GPI: variants seen among roughly 807,000 people sequenced by gnomAD.
GPI encodes the protein glucose-6-phosphate isomerase, also known as D-hexose-6-phosphate anomerase.
GPI carries 56 observed loss-of-function variants against 75.8 expected under a neutral mutation model. The ratio of observed to expected loss-of-function variants is 0.74; its 90% CI spans 0.60 to 0.92. The LOEUF (loss-of-function observed/expected upper bound fraction) is 0.92, where lower values mean the gene tolerates loss of function less well. Among genes scored for constraint, GPI ranks in the 40% least tolerant of loss-of-function variants. The pLI, the probability that GPI is intolerant of heterozygous loss-of-function variation, is 0.00. For missense variants in GPI, 638 were observed against 741.0 expected (o/e 0.86, Z 1.61); for synonymous variants, 288 against 285.4 (o/e 1.01, Z -0.09).
At chr19:34,360,879 G>A (rs995996954), upstream of GPI, among the ~76,000 whole-genome samples, 2 of 152,006 alleles carry the variant, frequency 1.3e-5, no homozygotes, top group African/African-American at 2.4e-5. Flanking sequence ...CCGGGTTCAA[G>A]TGATTCTCCT....
At chr19:34,392,962 T>A in intron 9 of GPI, 1 of 479,278 alleles carries the variant, frequency 2.1e-6, no homozygotes, top group African/African-American at 2.0e-5. Flanking sequence ...GGCACAGGTA[T>A]GAGGTCCTGG....
At position 34,393,354 on chromosome 19, in the gene GPI, GCA is replaced by G; in HGVS notation, c.865+47_865+48del. On this transcript the variant is annotated intron_variant, in intron 10 of 17. Coordinates refer to ENST00000356487, the MANE Select transcript of GPI (RefSeq NM_000175.5). The surrounding 1 kb of genome is among the most constrained non-coding windows in gnomAD (Gnocchi z 4.4). ...TGCAGCCCCTGTGGGAGACAGTGTT[GCA>G]GTCTAAGGTCGGGGTAGGGGGCTTG... is the stretch of plus-strand genomic sequence containing the variant. The G allele has an allele frequency of 6.8e-7, 1 of 1,463,760 alleles. No homozygotes were observed. Among genetic ancestry groups the G allele is most frequent in the South Asian group, 1.1e-5 (1 of 88,174 alleles). The allele number at this position is 1,463,760 out of a possible 1,614,324, so 90.7% of individuals were successfully genotyped here.
intron 4 of GPI, among the ~76,000 whole-genome samples, chr19:34,373,472 G>A (rs1322203878): frequency 2.0e-5 from 3 of 147,824 alleles, no homozygotes; most frequent in Admixed American, 1.4e-4. Flanking sequence ...CAGGAGAATC[G>A]CTTGAACCCG....
chr19:34,361,409 A>C (rs2074300799), upstream of GPI, among the ~76,000 whole-genome samples: 2 of 151,884 alleles, frequency 1.3e-5, no homozygotes, highest in South Asian at 4.2e-4. Flanking sequence ...ACATTTCTTA[A>C]CCTCTCTGTT....
chr19:34,391,673 G>A lies in GPI; in HGVS notation c.805-1575G>A, dbSNP rs377527808. The stretch of plus-strand genomic sequence containing the variant: ...GAATTTGGTACATGTATGAGGATCT[G>A]GGTCTGTCAGTATCTGAGGAGGTAG... On this transcript the variant is annotated intron_variant, in intron 9 of 17. Transcript: ENST00000356487. Among the ~76,000 whole-genome samples the A allele has an allele frequency of 9.9e-4, 134 of 136,022 alleles. No homozygotes were observed. The East Asian group carries it at 0.025, about 26-fold the overall frequency. The allele number at this position is 136,022 out of a possible 152,430, so 89.2% of individuals were successfully genotyped here. A position where few individuals can be genotyped will look rare whatever the true frequency, so the allele number is the denominator to read the frequency against.
In GPI at chr19:34,394,053, C is replaced by A; in HGVS notation, c.1049C>A (p.Ala350Glu). 2 of 1,611,016 alleles carry A rather than the reference C, an allele frequency of 1.2e-6. No homozygotes were observed. Among genetic ancestry groups the A allele is most frequent in the Non-Finnish European group, 1.7e-6 (2 of 1,178,940 alleles). ...PYDQYLHRFA[A>E]YFQQGDMESN... The stretch of plus-strand genomic sequence containing the variant: ...GACCAGTACCTGCACCGCTTTGCTG[C>A]GTACTTCCAGCAGGTACCAGCTGCC... Residue 350 changes from alanine to glutamate, a missense_variant, in exon 12 of 18, where the codon GCG becomes GAG. Transcript: ENST00000356487.
upstream of GPI, among the ~76,000 whole-genome samples, chr19:34,360,461 G>A (rs980156622): frequency 6.6e-6 from 1 of 152,094 alleles, no homozygotes; most frequent in African/African-American, 2.4e-5. Context: ...TAGCCGGGAC[G>A]GGGTGGTCAT....
chr19:34,374,729 C>A (rs1286978843), intron 4 of GPI, among the ~76,000 whole-genome samples: 1 of 148,768 alleles, frequency 6.7e-6, no homozygotes, highest in Non-Finnish European at 1.5e-5. Flanking sequence ...TTCTTTTTTT[C>A]TTTGTTTTTT....
At chr19:34,379,413 T>G in intron 7 of GPI, 105 bp from the exon 8 acceptor site, 1 of 1,000,786 alleles carries the variant, frequency 1.0e-6, no homozygotes, top group South Asian at 1.3e-5. Flanking sequence ...AACCAAGGAC[T>G]GGGAATCTCA....
intron 4 of GPI, among the ~76,000 whole-genome samples, chr19:34,376,769 G>A (rs769530136): frequency 5.2e-4 from 78 of 151,388 alleles, no homozygotes; most frequent in Non-Finnish European, 9.3e-4. Context: ...AGTAAATAGC[G>A]AGGCGCGGTG....
chr19:34,366,159 G>T (rs1322369958), intron 1 of GPI, 186 bp from the exon 2 acceptor site: 1 of 699,350 alleles, frequency 1.4e-6, no homozygotes, highest in Non-Finnish European at 2.6e-6. Flanking sequence ...TCTTTCTCTG[G>T]GCTGCTGTTG....
At chr19:34,399,134 T>G (rs1445725332) in intron 14 of GPI, 73 bp from the exon 15 acceptor site, 2 of 1,492,960 alleles carry the variant, frequency 1.3e-6, no homozygotes, top group Non-Finnish European at 1.8e-6. Context: ...TGCTGAGAAG[T>G]ACCAGGCGGT....
Position 34,381,520 on chromosome 19 carries a change from G to A in GPI, c.804+1G>A. The A allele has an allele frequency of 6.3e-7, 1 of 1,595,970 alleles. No homozygotes were observed. The highest frequency in any genetic ancestry group is 8.6e-7 in the Non-Finnish European group (1 of 1,163,588). On this transcript the variant is annotated splice_donor_variant, in intron 9 of 17. Coordinates refer to ENST00000356487, the MANE Select transcript of GPI (RefSeq NM_000175.5). LOFTEE classifies it high-confidence loss of function. ...TCAAAACATGTTCGAGTTCTGGGAT[G>A]TAAGTACAAGCACTTCTGCACTGGG...
intron 12 of GPI, among the ~76,000 whole-genome samples, chr19:34,395,311 G>C (rs1421254734): frequency 6.6e-6 from 1 of 151,734 alleles, no homozygotes; most frequent in African/African-American, 2.4e-5. Flanking sequence ...GGGGGGAATT[G>C]CTTGAGCCCA....
rs1246980119 is a variant in GPI at position 34,366,792 on chromosome 19, A to G, written c.223A>G (p.Arg75Gly). 1.9e-6 allele frequency: 3 copies of G among 1,612,612 alleles called. No homozygotes were observed. The highest frequency in any genetic ancestry group is 2.7e-5 in the African/African-American group (2 of 75,000). ...MRMLVDLAKS[R>G]GVEAARERMF... The stretch of plus-strand genomic sequence containing the variant: ...TATCGTCTCTTCCTAGGCCAAGTCC[A>G]GGGGCGTGGAGGCCGCCCGGGAGCG... Residue 75 changes from arginine (R) to glycine (G), a missense_variant, in exon 3 of 18, where the codon AGG (arginine) becomes GGG (glycine). Coordinates refer to ENST00000356487, the MANE Select transcript of GPI (RefSeq NM_000175.5).
At chr19:34,376,217 A>T (rs1281171082) in intron 4 of GPI, among the ~76,000 whole-genome samples, 2 of 152,170 alleles carry the variant, frequency 1.3e-5, no homozygotes, top group African/African-American at 4.8e-5. Flanking sequence ...TGAGGCCAGG[A>T]GTTAGAGACC....
At chr19:34,399,879 C>T in intron 17 of GPI, 22 bp from the exon 18 acceptor site, 1 of 1,609,936 alleles carries the variant, frequency 6.2e-7, no homozygotes, top group South Asian at 1.1e-5. Context: ...ACCACTCTTC[C>T]CTTCCCTTCC....
At chr19:34,389,048 A>T (rs1406281428) in intron 9 of GPI, among the ~76,000 whole-genome samples, 1 of 152,082 alleles carries the variant, frequency 6.6e-6, no homozygotes, top group Non-Finnish European at 1.5e-5. Context: ...AGCTGTGATC[A>T]TGCCACTGCA....
At chr19:34,366,255 A>G (rs778031731) in intron 1 of GPI, 90 bp from the exon 2 acceptor site, 1 of 866,424 alleles carries the variant, frequency 1.2e-6, no homozygotes, top group Non-Finnish European at 2.0e-6. Flanking sequence ...GTCAGGGAGG[A>G]TGTTTCTTCT....
Sources: allele counts gnomAD v4.1 joint callset (sites outside exome capture counted in the v4.1 genomes callset), GRCh38; gene constraint gnomAD v4.1.1; non-coding constraint Gnocchi (gnomAD v3.1); transcripts MANE v1.5; gene names NCBI Gene and HGNC (gene_info 2026-07-23, HGNC 2026-07-21).